OTOGL: variants seen among roughly 807,000 people sequenced by gnomAD.
The protein encoded by OTOGL is otogelin like.
In OTOGL, 285 loss-of-function variants were observed where a neutral mutation model predicts 318.5. The ratio of observed to expected loss-of-function variants is 0.89; its 90% CI spans 0.81 to 0.99. OTOGL has a LOEUF of 0.99. Among genes scored for constraint, OTOGL ranks in the 50% least tolerant of loss-of-function variants. OTOGL has a pLI of 0.00. For synonymous variants in OTOGL, 987 were observed against 936.5 expected (o/e 1.05, Z -0.99); for missense variants, 2,899 against 2,845.6 (o/e 1.02, Z -0.43).
rs376624345 is a variant in OTOGL at position 80,233,021 on chromosome 12, G to A, written c.741G>A (p.Glu247=). 1.9e-5 allele frequency: 30 copies of A among 1,598,530 alleles called. No individual in the cohort carries two copies. The African/African-American group carries it at 3.1e-4, about 16-fold the overall frequency. ...CTGGGATCTACCTCAAGCTGTCTGAGGACCATAAGGGGAAATCATGTGGCC... is the reference window on the plus strand; with the variant it reads ...CTGGGATCTACCTCAAGCTGTCTGAAGACCATAAGGGGAAATCATGTGGCC... ...GISGIYLKLS[E]DHKGKSCGLC... Residue 247 remains glutamate (E), a synonymous_variant, in exon 9 of 59, where the codon GAG becomes GAA. Coordinates refer to ENST00000547103, the MANE Select transcript of OTOGL (RefSeq NM_001378609.3).
intron 1 of OTOGL, among the ~76,000 whole-genome samples, chr12:80,156,753 G>A (rs1270298743): frequency 6.6e-6 from 1 of 152,134 alleles, no homozygotes; most frequent in East Asian, 1.9e-4. Context: ...CCCCAGGCAT[G>A]TGGAACTGTT....
At chr12:80,366,531 A>AT (rs60847056) in intron 52 of OTOGL, 43 bp from the exon 53 acceptor site, 98 of 360,392 alleles carry the variant, frequency 2.7e-4, no homozygotes, top group Middle Eastern at 1.3e-3. Flanking sequence ...ATATATATAT[A>AT]AAATAAGCTA....
chr12:80,336,301 T>G (rs1888395727), intron 39 of OTOGL, 112 bp from the exon 40 acceptor site: 1 of 1,348,126 alleles, frequency 7.4e-7, no homozygotes, highest in Admixed American at 3.1e-5. Context: ...CTTTTAGAGT[T>G]GCTTCTTGTC....
chr12:80,329,457 T>G (rs1384977255), intron 37 of OTOGL, among the ~76,000 whole-genome samples: 2 of 152,120 alleles, frequency 1.3e-5, no homozygotes, highest in Non-Finnish European at 2.9e-5. Context: ...TCCTTGGACT[T>G]CCCTCACATC....
At chr12:80,351,551 T>A (rs918262117) in intron 44 of OTOGL, among the ~76,000 whole-genome samples, 5 of 152,064 alleles carry the variant, frequency 3.3e-5, no homozygotes, top group Admixed American at 1.3e-4. Flanking sequence ...CTTGACCTCG[T>A]GATCCACCTG....
chr12:80,154,247 TG>T (rs753662908), intron 1 of OTOGL, among the ~76,000 whole-genome samples: 20 of 152,060 alleles, frequency 1.3e-4, no homozygotes, highest in Admixed American at 3.9e-4. Context: ...AGGTGGAGGT[TG>T]CAGTGAGCTG....
chr12:80,191,055 C>T (rs966174167), intron 1 of OTOGL, among the ~76,000 whole-genome samples: 1 of 152,136 alleles, frequency 6.6e-6, no homozygotes, highest in Non-Finnish European at 1.5e-5. Flanking sequence ...ACCCATAGGC[C>T]TTAGACCACC....
At chr12:80,260,795 G>T (rs1274326927) in intron 18 of OTOGL, among the ~76,000 whole-genome samples, 2 of 152,084 alleles carry the variant, frequency 1.3e-5, no homozygotes, top group South Asian at 4.1e-4. Context: ...CTCTAAGTCA[G>T]TTCCACCTGG....
At chr12:80,189,988 G>A (rs764569531) in intron 1 of OTOGL, among the ~76,000 whole-genome samples, 1 of 152,180 alleles carries the variant, frequency 6.6e-6, no homozygotes, top group Non-Finnish European at 1.5e-5. Context: ...GGAGACATAG[G>A]TTGACAGGAT....
intron 9 of OTOGL, among the ~76,000 whole-genome samples, chr12:80,238,225 G>A (rs11114358): frequency 0.046 from 6,996 of 152,210 alleles, 551 homozygotes; most frequent in African/African-American, 0.16. Context: ...AGGGTTCTCA[G>A]TAGGGATGTC....
At chr12:80,350,253 AAAT>A (rs1364466346) in intron 44 of OTOGL, among the ~76,000 whole-genome samples, 1 of 152,178 alleles carries the variant, frequency 6.6e-6, no homozygotes, top group African/African-American at 2.4e-5. Flanking sequence ...TTTAAAGTAT[AAAT>A]AATATTCCAT....
chr12:80,353,503 A>G lies in OTOGL; in HGVS notation c.5586A>G (p.Lys1862=). Reference sequence around the variant, plus strand: ...ATTCAGCCCAGTGCATTCCAGAGAAAGAGTGTGGTAAGACACAAAGTACAA... The same window carrying G: ...ATTCAGCCCAGTGCATTCCAGAGAAGGAGTGTGGTAAGACACAAAGTACAA... ...RPHSAQCIPE[K]ECACTDSEDQ... is the part of the protein sequence containing the mutation. Residue 1862 remains lysine (K), a synonymous_variant, in exon 46 of 59, where the codon AAA becomes AAG. Transcript: ENST00000547103. 6.4e-7 allele frequency: 1 copy of G among 1,556,644 alleles called. No individual in the cohort carries two copies. The highest frequency in any genetic ancestry group is 8.7e-7 in the Non-Finnish European group (1 of 1,150,482).
chr12:80,317,790 A>G (rs888686405), intron 32 of OTOGL, among the ~76,000 whole-genome samples: 17 of 152,100 alleles, frequency 1.1e-4, no homozygotes, highest in Non-Finnish European at 2.2e-4. Context: ...TGCATTTGTA[A>G]CATTTGTAAC....
intron 33 of OTOGL, 21 bp downstream of exon 33, chr12:80,318,734 G>T: frequency 8.3e-7 from 1 of 1,201,654 alleles, no homozygotes; most frequent in South Asian, 4.0e-5. Context: ...TTGAAAATAA[G>T]AGTTTAGCTT....
chr12:80,159,608 A>G (rs1172616269), intron 1 of OTOGL, among the ~76,000 whole-genome samples: 1 of 152,120 alleles, frequency 6.6e-6, no homozygotes, highest in Non-Finnish European at 1.5e-5. Context: ...AGATGGCACA[A>G]ACAAATGGAC....
At chr12:80,365,319 T>G (rs1458848175) in intron 52 of OTOGL, among the ~76,000 whole-genome samples, 1 of 152,102 alleles carries the variant, frequency 6.6e-6, no homozygotes, top group African/African-American at 2.4e-5. Context: ...ACCATATTTT[T>G]TCAGGTAAAT....
intron 6 of OTOGL, among the ~76,000 whole-genome samples, chr12:80,220,612 C>CTTT: frequency 8.4e-6 from 1 of 119,012 alleles, no homozygotes; most frequent in African/African-American, 3.4e-5. Context: ...AGGGCAAGGG[C>CTTT]TTTTTTTTTT....
At chr12:80,263,730 C>G (rs1305943695) in intron 19 of OTOGL, among the ~76,000 whole-genome samples, 3 of 151,758 alleles carry the variant, frequency 2.0e-5, no homozygotes, top group Non-Finnish European at 4.4e-5. Flanking sequence ...CAGGAAGATC[C>G]TCAAAGAAAG....
chr12:80,321,451 T>C (rs968160811), intron 34 of OTOGL, among the ~76,000 whole-genome samples: 2 of 152,138 alleles, frequency 1.3e-5, no homozygotes, highest in Non-Finnish European at 2.9e-5. Context: ...ACAGTACAAA[T>C]TGAGCTTCAA....
Sources: gnomAD v4.1 joint callset for allele counts (sites outside exome capture counted in the v4.1 genomes callset) on GRCh38, gnomAD v4.1.1 for gene constraint, MANE v1.5 for transcripts, NCBI Gene and HGNC (gene_info 2026-07-23, HGNC 2026-07-21) for gene names.